The following SHISAL1 variants were observed in gnomAD, a reference collection of about 807,000 sequenced individuals.
SHISAL1 encodes the protein shisa like 1, also known as protein shisa-like-1.
SHISAL1 carries 9 observed loss-of-function variants against 22.6 expected under a neutral mutation model. The observed-to-expected ratio is 0.40, with a 90% CI of 0.24 to 0.70. SHISAL1 has a LOEUF of 0.70. Ranked by LOEUF, SHISAL1 falls within the 30% of genes least tolerant of loss-of-function variation. The pLI is 0.39. For synonymous variants in SHISAL1, 119 were observed against 115.4 expected (o/e 1.03, Z -0.20); for missense variants, 246 against 270.6 (o/e 0.91, Z 0.64).
In SHISAL1 at chr22:44,250,772, A is replaced by C. The variant is rs117315492; in HGVS notation, c.*-1087T>G. 8.2e-4 allele frequency among the ~76,000 whole-genome samples: 125 copies of C among 152,356 alleles called. No homozygotes were observed. In the East Asian group the frequency reaches 0.014, roughly 17 times the overall value. On this transcript the variant is annotated intron_variant, in intron 4 of 4. Coordinates refer to ENST00000381176, the MANE Select transcript of SHISAL1 (RefSeq NM_001099294.2). ...AAACTTGGTTCTGGTGGCAGCCCTG[A>C]ACTACCCCCTTCATACCATTGCAGT...
chr22:44,243,890 G>A lies in SHISAL1; in HGVS notation c.*5795C>T, dbSNP rs1263002887. The A allele has an allele frequency of 6.6e-6, 1 of 152,162 alleles. No individual in the cohort carries two copies. Among genetic ancestry groups the A allele is most frequent in the Non-Finnish European group, 1.5e-5 (1 of 68,042 alleles). The allele number at this position is 152,162 out of a possible 1,614,324, so 9.4% of individuals were successfully genotyped here. A position where few individuals can be genotyped will look rare whatever the true frequency, so the allele number is the denominator to read the frequency against. ...ACATGAAGTCAGAGTTTACGGGAGA[G>A]AAAATATTTCCATCCCCCTACCCCT... On this transcript the variant is annotated 3_prime_UTR_variant, in exon 5 of 5. Transcript: ENST00000381176.
intron 2 of SHISAL1, among the ~76,000 whole-genome samples, chr22:44,297,955 G>A (rs757271222): frequency 2.6e-5 from 4 of 152,170 alleles, no homozygotes; most frequent in Non-Finnish European, 5.9e-5. Context: ...CTACCCACCC[G>A]GGGCTGCTGC....
chr22:44,294,743 C>CTGAA, intron 3 of SHISAL1, among the ~76,000 whole-genome samples: 1 of 152,246 alleles, frequency 6.6e-6, no homozygotes, highest in South Asian at 2.1e-4. Context: ...AGTAAGGTGG[C>CTGAA]TGAATGCAAA....
At chr22:44,280,124 T>C (rs2055266094) in intron 4 of SHISAL1, among the ~76,000 whole-genome samples, 2 of 151,932 alleles carry the variant, frequency 1.3e-5, no homozygotes, top group South Asian at 4.2e-4. Flanking sequence ...TTTTGAAGGA[T>C]GAATAGGAGT....
the SHISAL1 span, among the ~76,000 whole-genome samples, chr22:44,324,509 C>T: frequency 6.6e-6 from 1 of 152,224 alleles, no homozygotes; most frequent in Non-Finnish European, 1.5e-5. Context: ...AAGTTGTTAA[C>T]AGTATCAAAG....
At chr22:44,284,103 G>T (rs1029333074) in intron 4 of SHISAL1, among the ~76,000 whole-genome samples, 1 of 152,124 alleles carries the variant, frequency 6.6e-6, no homozygotes, top group Non-Finnish European at 1.5e-5. Context: ...TCTCCTGTGT[G>T]ATGGATGGTG....
chr22:44,331,370 T>C, the SHISAL1 span, among the ~76,000 whole-genome samples: 1 of 74,480 alleles, frequency 1.3e-5, no homozygotes, highest in East Asian at 3.4e-4. The surrounding 1 kb of genome is among the most constrained non-coding windows in gnomAD (Gnocchi z 5.2). Context: ...CGCCCCCCAC[T>C]CGCCCAGACC....
At chr22:44,287,106 G>C (rs754254523) in intron 3 of SHISAL1, among the ~76,000 whole-genome samples, 3 of 152,244 alleles carry the variant, frequency 2.0e-5, no homozygotes, top group Non-Finnish European at 4.4e-5. Flanking sequence ...CCGGAGACCT[G>C]GTTCTAATTC....
intron 4 of SHISAL1, among the ~76,000 whole-genome samples, chr22:44,274,793 C>G (rs970610341): frequency 6.6e-6 from 1 of 152,138 alleles, no homozygotes; most frequent in Non-Finnish European, 1.5e-5. Flanking sequence ...AGCGGGATCC[C>G]GAGCGGCTTT....
intron 4 of SHISAL1, among the ~76,000 whole-genome samples, chr22:44,275,167 T>G: frequency 6.6e-6 from 1 of 151,286 alleles, no homozygotes; most frequent in African/African-American, 2.4e-5. Flanking sequence ...TGGTGGGGAG[T>G]GGTTTGCAGA....
chr22:44,309,577 G>C (rs547327137), intron 1 of SHISAL1, among the ~76,000 whole-genome samples: 9 of 152,156 alleles, frequency 5.9e-5, no homozygotes, highest in Non-Finnish European at 8.8e-5. Context: ...TGTGGGGCTC[G>C]GAGAGGGGAC....
At chr22:44,293,693 T>C (rs909533399) in intron 3 of SHISAL1, among the ~76,000 whole-genome samples, 2 of 152,154 alleles carry the variant, frequency 1.3e-5, no homozygotes, top group Non-Finnish European at 2.9e-5. Flanking sequence ...GCTCTGTGCC[T>C]CCCCTTCCTC....
At chr22:44,303,123 C>T (rs1237810282) in intron 1 of SHISAL1, among the ~76,000 whole-genome samples, 1 of 152,036 alleles carries the variant, frequency 6.6e-6, no homozygotes, top group Admixed American at 6.5e-5. Flanking sequence ...CTGTTGCCTG[C>T]GTGTATCTGG....
chr22:44,256,247 T>C (rs2147269536), intron 4 of SHISAL1, among the ~76,000 whole-genome samples: 1 of 150,632 alleles, frequency 6.6e-6, no homozygotes, highest in South Asian at 2.1e-4. Context: ...CACCATCAGC[T>C]CTCCTGGGTC....
chr22:44,309,486 A>T (rs2055502955), intron 1 of SHISAL1, among the ~76,000 whole-genome samples: 1 of 152,068 alleles, frequency 6.6e-6, no homozygotes, highest in Non-Finnish European at 1.5e-5. Context: ...CACGGTGCCC[A>T]ATGCTCCCCA....
In SHISAL1 at chr22:44,310,909, G is replaced by C. The variant is rs1184817123; in HGVS notation, c.-33+1842C>G. On this transcript the variant is annotated intron_variant, in intron 1 of 4. Transcript: ENST00000381176. This position sits in a 1 kb window ranked among gnomAD's most constrained non-coding sequence, Gnocchi z 4.0. ...GCCCCACCATGCTTTGCACACAGTA[G>C]GTGCTGAATAAATGTCTGCCGGCCA... Among the ~76,000 whole-genome samples, 2 of 152,070 alleles carry C rather than the reference G, an allele frequency of 1.3e-5. No individual in the cohort carries two copies. Among genetic ancestry groups the C allele is most frequent in the Non-Finnish European group, 2.9e-5 (2 of 68,018 alleles).
intron 2 of SHISAL1, among the ~76,000 whole-genome samples, chr22:44,298,489 C>T (rs994658421): frequency 6.6e-5 from 10 of 152,230 alleles, no homozygotes; most frequent in African/African-American, 2.4e-4. Context: ...ACTGGCCTAG[C>T]GGCAAGGGGC....
chr22:44,319,459 A>G, the SHISAL1 span, among the ~76,000 whole-genome samples: 1 of 152,194 alleles, frequency 6.6e-6, no homozygotes, highest in East Asian at 1.9e-4. Flanking sequence ...ACTCCCTGAA[A>G]TGAAACCACT....
chr22:44,268,331 G>A (rs1254210315), intron 4 of SHISAL1, among the ~76,000 whole-genome samples: 1 of 152,156 alleles, frequency 6.6e-6, no homozygotes, highest in Non-Finnish European at 1.5e-5. Context: ...TTTGCCTCCT[G>A]CTATGAATTT....
Sources: gnomAD v4.1 joint callset for allele counts (sites outside exome capture counted in the v4.1 genomes callset) on GRCh38, gnomAD v4.1.1 for gene constraint, Gnocchi (gnomAD v3.1) non-coding constraint, MANE v1.5 for transcripts, NCBI Gene and HGNC (gene_info 2026-07-23, HGNC 2026-07-21) for gene names.